The following MARCHF3 variants were observed in gnomAD, a reference collection of about 807,000 sequenced individuals.
MARCHF3 encodes the protein E3 ubiquitin-protein ligase MARCHF3.
MARCHF3 carries 13 observed loss-of-function variants against 24.2 expected under a neutral mutation model. That is an observed-to-expected ratio of 0.54 (90% CI 0.35 to 0.85). The LOEUF (loss-of-function observed/expected upper bound fraction) is 0.85. Ranked by LOEUF, MARCHF3 falls within the 40% of genes least tolerant of loss-of-function variation. The pLI, the probability that MARCHF3 is intolerant of heterozygous loss-of-function variation, is 0.01. For synonymous variants in MARCHF3, 144 were observed against 137.3 expected, an observed-to-expected ratio of 1.05 and a Z score of -0.34; for missense variants, 276 against 325.0, an observed-to-expected ratio of 0.85 and a Z score of 1.16.
rs1261697499 is a variant in MARCHF3 at position 126,922,551 on chromosome 5, T to TATTTATTTATTA, written c.-56-4325_-56-4324insTAATAAATAAAT. Among the ~76,000 whole-genome samples, 12 of 136,848 alleles carry TATTTATTTATTA rather than the reference T, an allele frequency of 8.8e-5. 1 individual carries two copies. The South Asian group carries it at 2.3e-3, about 26-fold the overall frequency. 89.8% of individuals were successfully genotyped at this position (136,848 alleles called of 152,430 possible). A position where few individuals can be genotyped will look rare whatever the true frequency, so the allele number is the denominator to read the frequency against. On this transcript the variant is annotated intron_variant, in intron 1 of 4. Coordinates refer to ENST00000308660, the MANE Select transcript of MARCHF3 (RefSeq NM_178450.5). ...TTATTTATTTATTTATTTATTTATTTATTATTTATTTTTGAGTCGGAGTCT... is the reference window on the plus strand; with the variant it reads ...TTATTTATTTATTTATTTATTTATTTATTTATTTATTAATTATTTATTTTTGAGTCGGAGTCT...
chr5:127,011,581 T>C (rs895644438), intron 1 of MARCHF3, among the ~76,000 whole-genome samples: 1 of 152,218 alleles, frequency 6.6e-6, no homozygotes, highest in Non-Finnish European at 1.5e-5. Flanking sequence ...TAAAAATTCC[T>C]ACATATAAAT....
rs780094370 is a variant in MARCHF3, at chr5:126,868,620, T to C, written c.*2013A>G. On this transcript the variant is annotated 3_prime_UTR_variant, in exon 5 of 5. Transcript: ENST00000308660. Reference sequence around the variant, plus strand: ...CCTTGACAGGAAATCATCCTGGAAATCCGCTGCTTCCTTAATTCATGCAAG... The same window carrying C: ...CCTTGACAGGAAATCATCCTGGAAACCCGCTGCTTCCTTAATTCATGCAAG... 6.6e-6 allele frequency: 1 copy of C among 152,178 alleles called. No individual in the cohort carries two copies. Among genetic ancestry groups the C allele is most frequent in the Non-Finnish European group, 1.5e-5 (1 of 68,048 alleles). 9.4% of individuals were successfully genotyped at this position (152,178 alleles called of 1,614,324 possible).
At chr5:126,917,925 A>G in intron 2 of MARCHF3, 59 bp downstream of exon 2, 2 of 1,546,990 alleles carry the variant, frequency 1.3e-6, no homozygotes, top group Admixed American at 1.8e-5. Flanking sequence ...AGCATTTTCC[A>G]TCTGACAAAG....
intron 1 of MARCHF3, among the ~76,000 whole-genome samples, chr5:126,965,557 T>TA (rs1258327634): frequency 6.6e-6 from 1 of 152,248 alleles, no homozygotes; most frequent in African/African-American, 2.4e-5. Context: ...AAACTTTAGT[T>TA]GCTCTATTAA....
chr5:126,997,552 C>G (rs1751989032), intron 1 of MARCHF3, among the ~76,000 whole-genome samples: 1 of 152,208 alleles, frequency 6.6e-6, no homozygotes, highest in Non-Finnish European at 1.5e-5. Flanking sequence ...GGCTTTCGAT[C>G]TCTCCCTATC....
intron 1 of MARCHF3, among the ~76,000 whole-genome samples, chr5:126,964,889 A>T (rs1750753529): frequency 6.6e-6 from 1 of 152,122 alleles, no homozygotes; most frequent in African/African-American, 2.4e-5. Context: ...GAAGAATCAC[A>T]TTCCTCCCTC....
At chr5:126,925,631 C>T (rs74786161) in intron 1 of MARCHF3, among the ~76,000 whole-genome samples, 3,102 of 152,224 alleles carry the variant, frequency 0.02, 75 homozygotes, top group South Asian at 0.11. Flanking sequence ...AAAGACACAG[C>T]GACAGCTGAA....
At chr5:126,974,796 C>T (rs1343811350) in intron 1 of MARCHF3, among the ~76,000 whole-genome samples, 1 of 152,180 alleles carries the variant, frequency 6.6e-6, no homozygotes, top group African/African-American at 2.4e-5. Context: ...TTTACATGTT[C>T]AGTCATGCTT....
At chr5:126,977,822 A>G (rs1453175325) in intron 1 of MARCHF3, among the ~76,000 whole-genome samples, 2 of 152,266 alleles carry the variant, frequency 1.3e-5, no homozygotes, top group African/African-American at 4.8e-5. Flanking sequence ...AGATTAATAT[A>G]CATGTCCTAA....
intron 1 of MARCHF3, among the ~76,000 whole-genome samples, chr5:126,960,901 T>C (rs1475604220): frequency 6.6e-6 from 1 of 152,150 alleles, no homozygotes; most frequent in East Asian, 1.9e-4. Context: ...AAATATGTAA[T>C]TGTGATTTAG....
At chr5:126,952,655 T>C (rs1190603138) in intron 1 of MARCHF3, among the ~76,000 whole-genome samples, 1 of 152,186 alleles carries the variant, frequency 6.6e-6, no homozygotes, top group African/African-American at 2.4e-5. Context: ...GCCTTTGCTA[T>C]CTTTATAACT....
At chr5:126,961,513 C>T (rs1750635307) in intron 1 of MARCHF3, among the ~76,000 whole-genome samples, 1 of 152,118 alleles carries the variant, frequency 6.6e-6, no homozygotes, top group Non-Finnish European at 1.5e-5. Flanking sequence ...ATAAGCAATA[C>T]AATTTGTTCC....
At chr5:126,906,488 T>G (rs978215835) in intron 3 of MARCHF3, among the ~76,000 whole-genome samples, 1 of 152,244 alleles carries the variant, frequency 6.6e-6, no homozygotes, top group African/African-American at 2.4e-5. Context: ...ATTGCCACAA[T>G]TTCAGCTCCT....
intron 1 of MARCHF3, among the ~76,000 whole-genome samples, chr5:126,958,869 A>G (rs1437863093): frequency 2.0e-5 from 3 of 152,200 alleles, no homozygotes; most frequent in Admixed American, 1.3e-4. Context: ...GCTACCACTA[A>G]TGACCAACAG....
chr5:126,874,650 C>T (rs1445675319), intron 4 of MARCHF3, among the ~76,000 whole-genome samples: 1 of 152,076 alleles, frequency 6.6e-6, no homozygotes, highest in Non-Finnish European at 1.5e-5. Context: ...TTGATTTTGC[C>T]CTTTCTCTCT....
rs1432748417 is a variant in MARCHF3, at chr5:126,940,119, C to T, written c.-56-21892G>A. Among the ~76,000 whole-genome samples, 3 of 152,278 alleles carry T rather than the reference C, an allele frequency of 2.0e-5. No individual in the cohort carries two copies. The East Asian group carries it at 5.8e-4, about 29-fold the overall frequency. ...TGAGAGTTAAAACAAGAAAGCAGAT[C>T]ATTGCCTTGTTTGACCTCAGCTGCA... On this transcript the variant is annotated intron_variant, in intron 1 of 4. Transcript: ENST00000308660.
intron 1 of MARCHF3, among the ~76,000 whole-genome samples, chr5:126,964,442 T>C (rs1206072488): frequency 2.6e-5 from 4 of 152,144 alleles, no homozygotes; most frequent in Non-Finnish European, 5.9e-5. Context: ...GAAGATATAA[T>C]ACTAGCAACT....
intron 1 of MARCHF3, among the ~76,000 whole-genome samples, chr5:127,002,005 G>C (rs546683796): frequency 6.6e-6 from 1 of 152,302 alleles, no homozygotes; most frequent in Admixed American, 6.5e-5. Flanking sequence ...CTACAGAATG[G>C]ACACTACACA....
chr5:126,909,659 C>T (rs951371001), intron 3 of MARCHF3, among the ~76,000 whole-genome samples: 2 of 152,182 alleles, frequency 1.3e-5, no homozygotes, highest in Non-Finnish European at 2.9e-5. Flanking sequence ...AATGCCTCAC[C>T]CTGCTTTGGC....
Sources: allele counts gnomAD v4.1 joint callset (sites outside exome capture counted in the v4.1 genomes callset), GRCh38; gene constraint gnomAD v4.1.1; transcripts MANE v1.5; gene names NCBI Gene and HGNC (gene_info 2026-07-23, HGNC 2026-07-21).